The following AKAP6 variants were observed in gnomAD, a reference collection of about 807,000 sequenced individuals.
The protein encoded by AKAP6 is A-kinase anchoring protein 6, also known as A-kinase anchor protein 6.
Under a neutral mutation model 188.5 loss-of-function variants are expected in AKAP6, and 58 were observed. The observed-to-expected ratio is 0.31, with a 90% CI of 0.25 to 0.38. The LOEUF (loss-of-function observed/expected upper bound fraction) is 0.38. Ranked by LOEUF, AKAP6 falls within the 10% of genes least tolerant of loss-of-function variation. AKAP6 has a pLI of 1.00. For synonymous variants in AKAP6, 989 were observed against 998.6 expected, an observed-to-expected ratio of 0.99 and a Z score of 0.18; for missense variants, 2,710 against 2,740.0, an observed-to-expected ratio of 0.99 and a Z score of 0.24.
intron 2 of AKAP6, among the ~76,000 whole-genome samples, chr14:32,462,318 G>A (rs559031155): frequency 6.6e-6 from 1 of 152,068 alleles, no homozygotes; most frequent in Non-Finnish European, 1.5e-5. Flanking sequence ...AAATATTAAG[G>A]GTAGCCAGAG....
Position 32,546,574 on chromosome 14 carries a change from G to A in AKAP6, c.1921G>A (p.Glu641Lys), listed in dbSNP as rs765502982. 1 of 1,614,196 alleles carries A rather than the reference G, an allele frequency of 6.2e-7. No individual in the cohort carries two copies. The highest frequency in any genetic ancestry group is 8.5e-7 in the Non-Finnish European group (1 of 1,180,026). ...ACTGCCCTCTCACCTTAAGCAGACA[G>A]AAGTATTGGCTTTGAAGTTGGAAAA... ...LALPSHLKQT[E>K]VLALKLENLT... The change falls in exon 4 of 14, where the codon GAA becomes AAA. Residue 641 changes from glutamate (E) to lysine (K), a missense_variant. Transcript: ENST00000280979.
intron 11 of AKAP6, among the ~76,000 whole-genome samples, chr14:32,742,978 C>A (rs75134229): frequency 6.6e-6 from 1 of 152,044 alleles, no homozygotes; most frequent in Admixed American, 6.6e-5. Context: ...GTTGAAGTCT[C>A]CAGCTATTAC....
At position 32,466,739 on chromosome 14, in the gene AKAP6, C is replaced by CAA. The variant is rs71432057; in HGVS notation, c.324+32936_324+32937dup. Among the ~76,000 whole-genome samples the CAA allele has an allele frequency of 6.0e-3, 633 of 106,092 alleles. 6 individuals carry two copies. Among genetic ancestry groups the CAA allele is most frequent in the Admixed American group, 7.7e-3 (74 of 9,608 alleles). 69.6% of individuals were successfully genotyped at this position (106,092 alleles called of 152,430 possible). The stretch of plus-strand genomic sequence containing the variant: ...CACATGTATCCTAGAACTTAAAGTT[C>CAA]AAAAAAAAAAAAAAAGAGATATATT... On this transcript the variant is annotated intron_variant, in intron 2 of 13. Coordinates refer to ENST00000280979, the MANE Select transcript of AKAP6 (RefSeq NM_004274.5).
intron 2 of AKAP6, among the ~76,000 whole-genome samples, chr14:32,449,011 A>G (rs1266590624): frequency 2.6e-5 from 4 of 152,196 alleles, no homozygotes; most frequent in Non-Finnish European, 4.4e-5. Flanking sequence ...ATACATGAGC[A>G]TCAGCAACTT....
chr14:32,782,327 TCTC>T lies in AKAP6; in HGVS notation c.3588+8438_3588+8440del, dbSNP rs559463657. ...ACTCAATAGGAAAAAACAGAATACT[TCTC>T]CTCTAAGATCAGGAATAAGGCAAAG... On this transcript the variant is annotated intron_variant, in intron 12 of 13. Transcript: ENST00000280979. Among the ~76,000 whole-genome samples the T allele has an allele frequency of 5.0e-4, 76 of 152,136 alleles. No individual in the cohort carries two copies. The East Asian group carries it at 0.014, about 28-fold the overall frequency.
chr14:32,399,522 A>G (rs773909462), intron 1 of AKAP6, among the ~76,000 whole-genome samples: 26 of 152,182 alleles, frequency 1.7e-4, no homozygotes, highest in Non-Finnish European at 3.4e-4. Context: ...TTGTAGGAGT[A>G]CACATTGGAT....
chr14:32,427,641 A>G (rs888050417), intron 1 of AKAP6, among the ~76,000 whole-genome samples: 8 of 152,208 alleles, frequency 5.3e-5, no homozygotes, highest in African/African-American at 1.7e-4. Context: ...TCCTGGAATC[A>G]TATACAGGGT....
At chr14:32,522,582 GA>G (rs1209741869) in intron 2 of AKAP6, among the ~76,000 whole-genome samples, 2 of 152,098 alleles carry the variant, frequency 1.3e-5, no homozygotes, top group African/African-American at 2.4e-5. Flanking sequence ...ACAGACACAT[GA>G]AAAAAATGCT....
At chr14:32,414,555 G>A (rs986800973) in intron 1 of AKAP6, among the ~76,000 whole-genome samples, 17 of 152,084 alleles carry the variant, frequency 1.1e-4, no homozygotes, top group African/African-American at 2.9e-4. Context: ...GCTGGTCATC[G>A]GAGCTCACCT....
At chr14:32,383,281 C>A (rs1438076678) in intron 1 of AKAP6, among the ~76,000 whole-genome samples, 2 of 152,032 alleles carry the variant, frequency 1.3e-5, no homozygotes, top group Non-Finnish European at 2.9e-5. Context: ...AATAGTATAT[C>A]ATATACTTGC....
At chr14:32,436,749 C>T (rs1566501700) in intron 2 of AKAP6, among the ~76,000 whole-genome samples, 1 of 152,072 alleles carries the variant, frequency 6.6e-6, no homozygotes, top group Non-Finnish European at 1.5e-5. Flanking sequence ...CCAGACTGGG[C>T]AGCATGGTGA....
chr14:32,433,508 C>A lies in AKAP6; in HGVS notation c.15C>A (p.Ser5Arg). 6.2e-7 allele frequency: 1 copy of A among 1,613,930 alleles called. No individual in the cohort carries two copies. Among genetic ancestry groups the A allele is most frequent in the South Asian group, 1.1e-5 (1 of 91,042 alleles). The part of the protein sequence containing the change: MLTM[S>R]VTLSPLRSQD... ...TAGACTTCTCCATGTTAACCATGAG[C>A]GTGACACTTTCCCCCCTGAGGTCAC... Residue 5 changes from serine (S) to arginine (R), a missense_variant, in exon 2 of 14, where the codon AGC becomes AGA. Around this residue, in one of 2 missense-constraint regions of AKAP6, gnomAD observed 237 missense variants for 313.9 expected, o/e 0.76. Transcript: ENST00000280979.
Position 32,831,229 on chromosome 14 carries a change from CA to C in AKAP6, c.*1427del, listed in dbSNP as rs2034814731. On this transcript the variant is annotated 3_prime_UTR_variant, in exon 14 of 14. Transcript: ENST00000280979. ...TATTTATATGTGTAAAAGAAATTGA[CA>C]AAGAAATATTTCATCTGGCCTTTAC... 6.6e-6 allele frequency: 1 copy of C among 152,038 alleles called. No individual in the cohort carries two copies. Among genetic ancestry groups the C allele is most frequent in the Non-Finnish European group, 1.5e-5 (1 of 68,020 alleles). 9.4% of individuals were successfully genotyped at this position (152,038 alleles called of 1,614,324 possible).
chr14:32,527,291 A>G (rs1028621844), intron 2 of AKAP6, among the ~76,000 whole-genome samples: 2 of 152,122 alleles, frequency 1.3e-5, no homozygotes, highest in Non-Finnish European at 2.9e-5. Flanking sequence ...TTTAGCACTG[A>G]CTAATATTCT....
rs561772952 is a variant in AKAP6 at position 32,449,107 on chromosome 14, A to G, written c.324+15290A>G. ...AATTAACTCTCCAGTCTGCTCTACAATGTCCGAATTTCCTTTACCCTCTAC... is the reference window on the plus strand; with the variant it reads ...AATTAACTCTCCAGTCTGCTCTACAGTGTCCGAATTTCCTTTACCCTCTAC... On this transcript the variant is annotated intron_variant, in intron 2 of 13. Coordinates refer to ENST00000280979, the MANE Select transcript of AKAP6 (RefSeq NM_004274.5). Among the ~76,000 whole-genome samples the G allele has an allele frequency of 1.8e-3, 279 of 152,320 alleles. 5 individuals carry two copies. The South Asian group carries it at 0.036, about 20-fold the overall frequency.
intron 13 of AKAP6, among the ~76,000 whole-genome samples, chr14:32,828,766 G>A (rs1294700148): frequency 2.0e-5 from 3 of 152,068 alleles, no homozygotes; most frequent in Non-Finnish European, 2.9e-5. Flanking sequence ...CAATGCACTG[G>A]GCTTTCTTGT....
intron 1 of AKAP6, among the ~76,000 whole-genome samples, chr14:32,409,198 T>C (rs1889397040): frequency 6.6e-6 from 1 of 151,886 alleles, no homozygotes; most frequent in Non-Finnish European, 1.5e-5. Context: ...AGACTCCGTC[T>C]CAAAAACCAA....
intron 8 of AKAP6, among the ~76,000 whole-genome samples, chr14:32,682,995 C>CTTTTTTTTTTTTT (rs71115090): frequency 7.0e-6 from 1 of 142,254 alleles, no homozygotes; most frequent in Non-Finnish European, 1.5e-5. Context: ...TTTTTTCTTC[C>CTTTTTTTTTTTTT]TTTTTTTTTT....
intron 13 of AKAP6, among the ~76,000 whole-genome samples, chr14:32,829,484 G>T (rs1025072707): frequency 6.6e-6 from 1 of 151,808 alleles, no homozygotes; most frequent in Non-Finnish European, 1.5e-5. Flanking sequence ...GGCATCAGTG[G>T]CCTCACATTT....
Sources: allele counts gnomAD v4.1 joint callset (sites outside exome capture counted in the v4.1 genomes callset), GRCh38; gene constraint gnomAD v4.1.1; regional missense constraint gnomAD v4.1.1; transcripts MANE v1.5; gene names NCBI Gene and HGNC (gene_info 2026-07-23, HGNC 2026-07-21).